The following RTTN variants were observed in gnomAD, a reference collection of about 807,000 sequenced individuals.
RTTN encodes the protein rotatin.
Under a neutral mutation model 269.2 loss-of-function variants are expected in RTTN, and 182 were observed. The ratio of observed to expected loss-of-function variants is 0.68; its 90% confidence interval spans 0.60 to 0.76. The LOEUF (loss-of-function observed/expected upper bound fraction) is 0.76. Ranked by LOEUF, RTTN falls within the 30% of genes least tolerant of loss-of-function variation. RTTN has a pLI of 0.00. For synonymous variants in RTTN, 1,006 were observed against 963.5 expected (o/e 1.04, Z -0.82); for missense variants, 2,545 against 2,608.6 (o/e 0.98, Z 0.53).
chr18:70,054,028 A>G (rs1178833906), intron 38 of RTTN, 103 bp downstream of exon 38: 6 of 1,007,096 alleles, frequency 6.0e-6, no homozygotes, highest in Admixed American at 2.5e-5. Flanking sequence ...TACTAGCAAA[A>G]AGAAACTCAA....
chr18:70,164,594 T>G (rs985948328), intron 14 of RTTN, among the ~76,000 whole-genome samples: 7 of 152,130 alleles, frequency 4.6e-5, no homozygotes, highest in Admixed American at 1.3e-4. Flanking sequence ...ATTAGTGTAC[T>G]GAAAGGATAA....
intron 40 of RTTN, among the ~76,000 whole-genome samples, chr18:70,043,622 G>C (rs544800818): frequency 6.6e-6 from 1 of 152,286 alleles, no homozygotes; most frequent in South Asian, 2.1e-4. Context: ...AATGAAGGCA[G>C]AAATCTCCTA....
At chr18:70,158,735 T>C (rs2060749414) in intron 14 of RTTN, among the ~76,000 whole-genome samples, 1 of 151,876 alleles carries the variant, frequency 6.6e-6, no homozygotes, top group African/African-American at 2.4e-5. Flanking sequence ...CTCAAAGTAA[T>C]AGAATGGAGA....
At chr18:70,073,792 G>A (rs1568334948) in intron 34 of RTTN, 114 bp downstream of exon 34, 3 of 699,128 alleles carry the variant, frequency 4.3e-6, no homozygotes, top group South Asian at 1.8e-5. Flanking sequence ...AAAGCACTTC[G>A]AATAAATCAT....
In RTTN at chr18:70,150,633, A is replaced by G; in HGVS notation, c.2030T>C (p.Phe677Ser). The change falls in exon 15 of 49, where the codon TTT (phenylalanine) becomes TCT (serine). Residue 677 changes from phenylalanine to serine, a missense_variant. Physicochemically the swap from Phe to Ser is radical, Grantham distance 155. Transcript: ENST00000640769. ...CTCACTTTCGGGCTCTTGAATGCCAAATACAGAGATTTCATACAGAACTTT... is the reference window on the plus strand; with the variant it reads ...CTCACTTTCGGGCTCTTGAATGCCAGATACAGAGATTTCATACAGAACTTT... Reference protein sequence around the residue: ...HPKVLYEISVFGIQEPESEVN... With the variant: ...HPKVLYEISVSGIQEPESEVN... 2 of 1,612,576 alleles carry G rather than the reference A, an allele frequency of 1.2e-6. No individual in the cohort carries two copies. The highest frequency in any genetic ancestry group is 8.5e-7 in the Non-Finnish European group (1 of 1,178,988).
chr18:70,084,043 TACA>T (rs1440497576), intron 32 of RTTN, among the ~76,000 whole-genome samples: 8 of 152,058 alleles, frequency 5.3e-5, no homozygotes, highest in Middle Eastern at 6.8e-3. Context: ...TATTCACAAG[TACA>T]ACAATTCTAT....
intron 43 of RTTN, 104 bp downstream of exon 43, chr18:70,028,620 A>T (rs1403288615): frequency 2.7e-5 from 17 of 629,626 alleles, no homozygotes; most frequent in Admixed American, 1.9e-4. Context: ...CTAAAAATTT[A>T]AAAGTCAGAG....
intron 11 of RTTN, among the ~76,000 whole-genome samples, chr18:70,173,398 C>G (rs1198994364): frequency 6.8e-6 from 1 of 147,036 alleles, no homozygotes; most frequent in Non-Finnish European, 1.5e-5. Context: ...GAGGCTGAGG[C>G]AGGAGAATGG....
chr18:70,171,486 C>T (rs975897497), intron 11 of RTTN, among the ~76,000 whole-genome samples: 4 of 152,172 alleles, frequency 2.6e-5, no homozygotes, highest in East Asian at 3.8e-4. Flanking sequence ...TTTCACCCTG[C>T]GTACTTGTAT....
At chr18:70,184,322 G>A (rs1237003123) in intron 10 of RTTN, among the ~76,000 whole-genome samples, 1 of 152,150 alleles carries the variant, frequency 6.6e-6, no homozygotes, top group African/African-American at 2.4e-5. Context: ...GGGAGGCCGA[G>A]GCAGGCAGAT....
chr18:70,029,123 T>G (rs2056936982), intron 42 of RTTN, among the ~76,000 whole-genome samples: 1 of 150,468 alleles, frequency 6.6e-6, no homozygotes, highest in South Asian at 2.1e-4. Flanking sequence ...TGGCTGACTT[T>G]CTCAATGATG....
intron 3 of RTTN, among the ~76,000 whole-genome samples, chr18:70,203,444 T>C (rs2062002787): frequency 6.6e-6 from 1 of 152,202 alleles, no homozygotes; most frequent in African/African-American, 2.4e-5. Flanking sequence ...ACCACCTGCC[T>C]CGGCTTCCCA....
chr18:70,034,617 C>A (rs1159009812), intron 40 of RTTN, among the ~76,000 whole-genome samples: 3 of 152,154 alleles, frequency 2.0e-5, no homozygotes, highest in Non-Finnish European at 4.4e-5. Context: ...TAGAAGCAAT[C>A]CCCTTGAAAA....
intron 6 of RTTN, 138 bp from the exon 7 acceptor site, chr18:70,196,786 A>C: frequency 1.3e-6 from 1 of 763,168 alleles, no homozygotes; most frequent in Non-Finnish European, 2.1e-6. Context: ...AGACATAAGA[A>C]ACTGAAATGG....
chr18:70,006,141 G>T (rs573510846), intron 47 of RTTN: 1 of 376,748 alleles, frequency 2.7e-6, no homozygotes, highest in Non-Finnish European at 4.8e-6. Context: ...AAATTAAGAG[G>T]AAAAAGTCAG....
chr18:70,037,278 G>A (rs917534334), intron 40 of RTTN, among the ~76,000 whole-genome samples: 3 of 152,210 alleles, frequency 2.0e-5, no homozygotes, highest in South Asian at 2.1e-4. Context: ...TGTGACACAG[G>A]GAGACAACAG....
At position 70,086,607 on chromosome 18, in the gene RTTN, A is replaced by G. The variant is rs2058704355; in HGVS notation, c.4374+6T>C. ...ACTAGGTTGATAATTGTTTAAAATC[A>G]CCCACCTGCCAAGTATAATCCTTTA... On this transcript the variant is annotated splice_donor_region_variant and intron_variant, in intron 32 of 48. Transcript: ENST00000640769. 6 of 1,575,194 alleles carry G rather than the reference A, an allele frequency of 3.8e-6. No homozygotes were observed. In the East Asian group the frequency reaches 1.4e-4, roughly 36 times the overall value.
intron 32 of RTTN, among the ~76,000 whole-genome samples, chr18:70,084,915 A>G (rs200019051): frequency 6.6e-6 from 1 of 152,228 alleles, no homozygotes; most frequent in East Asian, 1.9e-4. Flanking sequence ...CACCAGCAAC[A>G]AACAGGAACT....
At chr18:70,101,699 C>T (rs1030690318) in intron 28 of RTTN, among the ~76,000 whole-genome samples, 4 of 152,144 alleles carry the variant, frequency 2.6e-5, no homozygotes, top group Admixed American at 2.0e-4. Context: ...TTCCTGCTTT[C>T]TCCTGTGGGC....
Sources: allele counts gnomAD v4.1 joint callset (sites outside exome capture counted in the v4.1 genomes callset), GRCh38; gene constraint gnomAD v4.1.1; transcripts MANE v1.5; gene names NCBI Gene and HGNC (gene_info 2026-07-23, HGNC 2026-07-21).